ARHGEF38: variants seen among roughly 807,000 people sequenced by gnomAD.
ARHGEF38 encodes Rho guanine nucleotide exchange factor 38.
A neutral mutation model predicts 79.9 loss-of-function variants in ARHGEF38; 79 were observed. The observed-to-expected ratio is 0.99, with a 90% CI of 0.82 to 1.19. ARHGEF38 has a LOEUF of 1.19. Ranked by LOEUF, ARHGEF38 falls within the 50% of genes most tolerant of loss-of-function variation. The probability of loss-of-function intolerance (pLI) is 0.00; values close to 1 mark genes in which losing one functional copy is unlikely to be tolerated. For missense variants in ARHGEF38, 962 were observed against 907.2 expected (o/e 1.06, Z -0.78); for synonymous variants, 366 against 328.3 (o/e 1.11, Z -1.24).
At chr4:105,612,583 A>G (rs1426172823) in intron 2 of ARHGEF38, among the ~76,000 whole-genome samples, 1 of 152,104 alleles carries the variant, frequency 6.6e-6, no homozygotes, top group African/African-American at 2.4e-5. Flanking sequence ...GATCCAACTT[A>G]AACTAAAGGG....
chr4:105,653,351 C>A (rs1262789349), intron 7 of ARHGEF38, among the ~76,000 whole-genome samples: 1 of 144,770 alleles, frequency 6.9e-6, no homozygotes, highest in Admixed American at 7.0e-5. Flanking sequence ...GAGACAGAGT[C>A]TCGCTCTGTT....
intron 8 of ARHGEF38, among the ~76,000 whole-genome samples, chr4:105,654,826 T>G (rs373908922): frequency 1.6e-4 from 25 of 152,344 alleles, no homozygotes; most frequent in African/African-American, 5.8e-4. Flanking sequence ...GCTATGACCA[T>G]GACACATAGA....
intron 9 of ARHGEF38, among the ~76,000 whole-genome samples, chr4:105,656,969 T>G (rs1004590331): frequency 3.3e-5 from 5 of 151,926 alleles, no homozygotes; most frequent in African/African-American, 7.3e-5. Context: ...CAACGACAGA[T>G]GAATGGATGG....
intron 13 of ARHGEF38, among the ~76,000 whole-genome samples, chr4:105,675,126 T>C (rs1305077032): frequency 6.6e-6 from 1 of 152,160 alleles, no homozygotes. Context: ...CCATCTACAA[T>C]ATACTAGAAA....
At chr4:105,670,410 G>A (rs2110582122) in intron 13 of ARHGEF38, among the ~76,000 whole-genome samples, 1 of 151,816 alleles carries the variant, frequency 6.6e-6, no homozygotes, top group South Asian at 2.1e-4. Flanking sequence ...ATTTTTTCAT[G>A]GGCTCATTTG....
At chr4:105,606,693 A>T (rs909784131) in intron 2 of ARHGEF38, among the ~76,000 whole-genome samples, 2 of 152,112 alleles carry the variant, frequency 1.3e-5, no homozygotes, top group African/African-American at 4.8e-5. Flanking sequence ...ACAAAATGTT[A>T]AAAATGGTGC....
intron 1 of ARHGEF38, among the ~76,000 whole-genome samples, chr4:105,564,938 G>A (rs148887478): frequency 1.3e-5 from 2 of 152,322 alleles, no homozygotes; most frequent in African/African-American, 4.8e-5. Context: ...GTCAGGAAAG[G>A]TGGGACACTC....
At chr4:105,662,085 T>C (rs949099686) in intron 10 of ARHGEF38, among the ~76,000 whole-genome samples, 5 of 152,188 alleles carry the variant, frequency 3.3e-5, no homozygotes, top group African/African-American at 9.6e-5. Flanking sequence ...ACTTGTAACA[T>C]GTAAGAAAGC....
At chr4:105,646,345 A>G (rs913936127) in intron 6 of ARHGEF38, among the ~76,000 whole-genome samples, 1 of 152,234 alleles carries the variant, frequency 6.6e-6, no homozygotes, top group Non-Finnish European at 1.5e-5. Context: ...CAATAAAAAA[A>G]CATTGTAATA....
chr4:105,613,643 T>C (rs1434566902), intron 3 of ARHGEF38, 136 bp downstream of exon 3: 4 of 915,182 alleles, frequency 4.4e-6, no homozygotes, highest in Non-Finnish European at 6.3e-6. Context: ...ATCTTTGGGC[T>C]CATTGTGATT....
intron 2 of ARHGEF38, among the ~76,000 whole-genome samples, chr4:105,612,131 C>T (rs1728321207): frequency 6.6e-6 from 1 of 152,022 alleles, no homozygotes; most frequent in African/African-American, 2.4e-5. Context: ...GGGACAATGT[C>T]AAAAAGGAAT....
chr4:105,605,718 A>G (rs1728010088), intron 2 of ARHGEF38, among the ~76,000 whole-genome samples: 1 of 152,090 alleles, frequency 6.6e-6, no homozygotes, highest in Non-Finnish European at 1.5e-5. Flanking sequence ...ACGCTTTGTA[A>G]TCTAGAAGCC....
In ARHGEF38 at chr4:105,552,928, T is replaced by C; in HGVS notation, c.163T>C (p.Ser55Pro). 6.2e-7 allele frequency: 1 copy of C among 1,613,228 alleles called. No homozygotes were observed. Among genetic ancestry groups the C allele is most frequent in the Non-Finnish European group, 8.5e-7 (1 of 1,179,656 alleles). The part of the protein sequence containing the change: ...DHSGTLRRSQ[S>P]DRTEYNQKLQ... ...CTCTGGCACCTTGAGGAGGAGCCAA[T>C]CTGACAGGACCGAATACAACCAGAA... The change falls in exon 1 of 14, where the codon TCT (serine) becomes CCT (proline). Residue 55 changes from serine (S) to proline (P), a missense_variant. Coordinates refer to ENST00000420470, the MANE Select transcript of ARHGEF38 (RefSeq NM_001242729.2).
Position 105,560,670 on chromosome 4 carries a change from G to T in ARHGEF38, c.196+7709G>T, listed in dbSNP as rs561595164. 2.0e-5 allele frequency among the ~76,000 whole-genome samples: 3 copies of T among 152,268 alleles called. No individual in the cohort carries two copies. The East Asian group carries it at 5.8e-4, about 29-fold the overall frequency. ...TAATGAATCAGAGAATAAATGAATA[G>T]TCTAAGATACCTGCACTGAAGCCCT... On this transcript the variant is annotated intron_variant, in intron 1 of 13. Transcript: ENST00000420470.
chr4:105,668,691 TA>T (rs1277599699), intron 13 of ARHGEF38, among the ~76,000 whole-genome samples: 1 of 151,588 alleles, frequency 6.6e-6, no homozygotes, highest in African/African-American at 2.4e-5. Context: ...GATAGATAGA[TA>T]GATAGATAGA....
At chr4:105,592,669 T>C (rs1727395196) in intron 2 of ARHGEF38, among the ~76,000 whole-genome samples, 1 of 152,206 alleles carries the variant, frequency 6.6e-6, no homozygotes, top group Admixed American at 6.5e-5. Context: ...CACTTTCTAC[T>C]GGGGCCCCCA....
Position 105,648,405 on chromosome 4 carries a change from G to A in ARHGEF38, c.875-144G>A, listed in dbSNP as rs576384267. On this transcript the variant is annotated intron_variant, in intron 6 of 13. Coordinates refer to ENST00000420470, the MANE Select transcript of ARHGEF38 (RefSeq NM_001242729.2). The stretch of plus-strand genomic sequence containing the variant: ...GGGACATGGGTGGACAGTGGGGCTG[G>A]AGCATATGGCCTCTGCAGCAGAGGC... The A allele has an allele frequency of 6.5e-6, 4 of 613,932 alleles. No homozygotes were observed. The East Asian group carries it at 1.0e-4, about 16-fold the overall frequency. The allele number at this position is 613,932 out of a possible 1,614,324, so 38.0% of individuals were successfully genotyped here. A position where few individuals can be genotyped will look rare whatever the true frequency, so the allele number is the denominator to read the frequency against.
chr4:105,596,471 T>A (rs1362063610), intron 2 of ARHGEF38, among the ~76,000 whole-genome samples: 3 of 151,944 alleles, frequency 2.0e-5, no homozygotes, highest in African/African-American at 7.3e-5. Context: ...ACAGTATAGA[T>A]CCAAGTATCC....
chr4:105,654,836 A>G (rs1388066454), intron 8 of ARHGEF38, among the ~76,000 whole-genome samples: 1 of 152,184 alleles, frequency 6.6e-6, no homozygotes, highest in African/African-American at 2.4e-5. Context: ...TGACACATAG[A>G]AAGTTAGTAG....
Sources: gnomAD v4.1 joint callset for allele counts (sites outside exome capture counted in the v4.1 genomes callset) on GRCh38, gnomAD v4.1.1 for gene constraint, MANE v1.5 for transcripts, NCBI Gene and HGNC (gene_info 2026-07-23, HGNC 2026-07-21) for gene names.